Variants in FAM151B observed in about 807,000 individuals in gnomAD.
FAM151B encodes the protein family with sequence similarity 151 member B.
Under a neutral mutation model 31.2 loss-of-function variants are expected in FAM151B, and 24 were observed. The ratio of observed to expected loss-of-function variants is 0.77; its 90% CI spans 0.56 to 1.08. The LOEUF is 1.08. Among genes scored for constraint, FAM151B ranks in the 50% least tolerant of loss-of-function variants. The probability of loss-of-function intolerance (pLI) is 0.00; values close to 1 mark genes in which losing one functional copy is unlikely to be tolerated. For synonymous variants in FAM151B, 105 were observed against 111.4 expected, an observed-to-expected ratio of 0.94 and a Z score of 0.36; for missense variants, 293 against 328.6, an observed-to-expected ratio of 0.89 and a Z score of 0.84.
chr5:80,498,446 C>G (rs1743627301), intron 1 of FAM151B: 1 of 453,348 alleles, frequency 2.2e-6, no homozygotes, highest in African/African-American at 2.0e-5. Context: ...TTTCCGATAG[C>G]CATTTTTAGG....
At chr5:80,501,164 C>T (rs781226234) in intron 1 of FAM151B, among the ~76,000 whole-genome samples, 1 of 151,970 alleles carries the variant, frequency 6.6e-6, no homozygotes, top group African/African-American at 2.4e-5. Flanking sequence ...CAGGCGTGTG[C>T]CACCACACCT....
intron 5 of FAM151B, among the ~76,000 whole-genome samples, chr5:80,540,502 A>G (rs1490456449): frequency 6.6e-6 from 1 of 152,152 alleles, no homozygotes; most frequent in East Asian, 1.9e-4. Flanking sequence ...CATTGATATA[A>G]ATGTTTTTCC....
intron 5 of FAM151B, among the ~76,000 whole-genome samples, chr5:80,538,397 TTTC>T (rs1745627780): frequency 1.9e-5 from 1 of 52,158 alleles, no homozygotes; most frequent in African/African-American, 1.0e-4. Context: ...TCTTTCTTTC[TTTC>T]TTTCTTTCTT....
In FAM151B at chr5:80,542,207, C is replaced by G. The variant is rs1745930278; in HGVS notation, c.*375C>G. ...CAGAGATTATGAAAAATATGGTACT[C>G]TTTTCCTTTTTCCTAGAAAACTGGT... On this transcript the variant is annotated 3_prime_UTR_variant, in exon 6 of 6. Coordinates refer to ENST00000282226, the MANE Select transcript of FAM151B (RefSeq NM_205548.3). 1 of 158,120 alleles carries G rather than the reference C, an allele frequency of 6.3e-6. No individual in the cohort carries two copies. The highest frequency in any genetic ancestry group is 6.5e-5 in the Admixed American group (1 of 15,488). The allele number at this position is 158,120 out of a possible 1,614,324, so 9.8% of individuals were successfully genotyped here.
chr5:80,503,296 C>T (rs879443724), intron 2 of FAM151B, among the ~76,000 whole-genome samples: 5 of 151,950 alleles, frequency 3.3e-5, no homozygotes, highest in African/African-American at 4.8e-5. Flanking sequence ...GTGGTCAGGG[C>T]GGTGGCTCAT....
intron 2 of FAM151B, among the ~76,000 whole-genome samples, chr5:80,502,902 A>C (rs1260029886): frequency 6.6e-6 from 1 of 152,232 alleles, no homozygotes; most frequent in African/African-American, 2.4e-5. Context: ...TAATAACTAC[A>C]CAGTGATTAT....
chr5:80,503,426 G>C (rs1273793555), intron 2 of FAM151B, among the ~76,000 whole-genome samples: 1 of 151,872 alleles, frequency 6.6e-6, no homozygotes, highest in Non-Finnish European at 1.5e-5. Context: ...AAAATTAGCC[G>C]GGCATGGTGG....
At chr5:80,534,538 A>G (rs1009466423) in intron 5 of FAM151B, among the ~76,000 whole-genome samples, 1 of 152,208 alleles carries the variant, frequency 6.6e-6, no homozygotes, top group Non-Finnish European at 1.5e-5. Context: ...CTGAAAAAAC[A>G]TTGGGTAAAA....
chr5:80,533,804 T>TA (rs1378329874), intron 5 of FAM151B, among the ~76,000 whole-genome samples: 1 of 127,308 alleles, frequency 7.9e-6, no homozygotes, highest in Non-Finnish European at 1.7e-5. Flanking sequence ...GAAAACAGTA[T>TA]AAAAGATCAA....
intron 1 of FAM151B, among the ~76,000 whole-genome samples, chr5:80,489,878 T>G (rs918505642): frequency 6.6e-6 from 1 of 151,876 alleles, no homozygotes; most frequent in Non-Finnish European, 1.5e-5. Context: ...GAGCCAAGAT[T>G]GCGCCACTGC....
At chr5:80,512,208 G>C (rs1236673765) in intron 2 of FAM151B, among the ~76,000 whole-genome samples, 1 of 152,116 alleles carries the variant, frequency 6.6e-6, no homozygotes, top group Non-Finnish European at 1.5e-5. Flanking sequence ...ACAGTTCTTT[G>C]GGTGACTATG....
At chr5:80,528,960 A>G (rs1216392694) in intron 5 of FAM151B, among the ~76,000 whole-genome samples, 1 of 152,194 alleles carries the variant, frequency 6.6e-6, no homozygotes, top group Non-Finnish European at 1.5e-5. Flanking sequence ...CATCGCATTT[A>G]TTCCAAAATT....
intron 4 of FAM151B, among the ~76,000 whole-genome samples, chr5:80,521,674 A>G (rs1744727959): frequency 6.6e-6 from 1 of 152,180 alleles, no homozygotes; most frequent in African/African-American, 2.4e-5. Context: ...TACCTAAAAG[A>G]AGAGCCTTAA....
rs1561383845 is a variant in FAM151B at position 80,538,485 on chromosome 5, TCCTTC to T, written c.672-3186_672-3182del. On this transcript the variant is annotated intron_variant, in intron 5 of 5. Transcript: ENST00000282226. ...TTCTTTCTTTCTTTCTTTCTTTCTT[TCCTTC>T]CTTCCTTCCTTTCTTTTCTTTCTTT... 7.2e-4 allele frequency among the ~76,000 whole-genome samples: 97 copies of T among 134,062 alleles called. 6 individuals are homozygous for T. Among genetic ancestry groups the T allele is most frequent in the African/African-American group, 2.8e-3 (94 of 33,426 alleles). The allele number at this position is 134,062 out of a possible 152,430, so 87.9% of individuals were successfully genotyped here. A position where few individuals can be genotyped will look rare whatever the true frequency, so the allele number is the denominator to read the frequency against.
intron 1 of FAM151B, among the ~76,000 whole-genome samples, chr5:80,491,553 T>C (rs1220595217): frequency 6.6e-6 from 1 of 152,184 alleles, no homozygotes; most frequent in Non-Finnish European, 1.5e-5. Context: ...TGCTGTGCAA[T>C]AGATCTTGGG....
chr5:80,529,937 A>AG (rs777216160), intron 5 of FAM151B, among the ~76,000 whole-genome samples: 33 of 152,042 alleles, frequency 2.2e-4, no homozygotes, highest in African/African-American at 7.7e-4. Context: ...ACAACAAAAA[A>AG]AGAATTTCAG....
intron 1 of FAM151B, among the ~76,000 whole-genome samples, chr5:80,498,131 T>C (rs1403604089): frequency 2.0e-5 from 3 of 152,252 alleles, no homozygotes; most frequent in Non-Finnish European, 4.4e-5. Flanking sequence ...ATTATTTTCC[T>C]ATTGTTGGAC....
intron 1 of FAM151B, chr5:80,501,193 T>TTA: frequency 3.2e-6 from 1 of 311,506 alleles, no homozygotes; most frequent in African/African-American, 2.2e-5. Context: ...TTTTTTTTTT[T>TTA]ATTTTTGTTA....
At chr5:80,522,284 C>A in intron 5 of FAM151B, 146 bp downstream of exon 5, 1 of 748,820 alleles carries the variant, frequency 1.3e-6, no homozygotes, top group Non-Finnish European at 2.0e-6. Flanking sequence ...AGCGCACAGA[C>A]TCCCTCACCG....
Sources: gnomAD v4.1 joint callset for allele counts (sites outside exome capture counted in the v4.1 genomes callset) on GRCh38, gnomAD v4.1.1 for gene constraint, MANE v1.5 for transcripts, NCBI Gene and HGNC (gene_info 2026-07-23, HGNC 2026-07-21) for gene names.